Variants in TGFBR2 observed in about 807,000 individuals in gnomAD.
The protein encoded by TGFBR2 is TGF-beta receptor type-2.
Under a neutral mutation model 49.0 loss-of-function variants are expected in TGFBR2, and 18 were observed. The ratio of observed to expected loss-of-function variants is 0.37; its 90% CI spans 0.25 to 0.54. The LOEUF is 0.54. Ranked by LOEUF, TGFBR2 falls within the 20% of genes least tolerant of loss-of-function variation. The probability of loss-of-function intolerance (pLI) is 0.85; values close to 1 mark genes in which losing one functional copy is unlikely to be tolerated. For synonymous variants in TGFBR2, 282 were observed against 275.9 expected (o/e 1.02, Z -0.22); for missense variants, 525 against 722.6 (o/e 0.73, Z 3.13).
intron 3 of TGFBR2, among the ~76,000 whole-genome samples, chr3:30,660,856 T>C (rs1699109428): frequency 6.6e-6 from 1 of 152,198 alleles, no homozygotes; most frequent in African/African-American, 2.4e-5. Flanking sequence ...TGGGTGCTAC[T>C]GCCTTGGCAG....
Position 30,644,736 on chromosome 3 carries a change from T to C in TGFBR2, c.95-11T>C. The stretch of plus-strand genomic sequence containing the variant: ...TGGATAATCATTTAATATATCTTTC[T>C]CTCTCCTCAGTTAATAACGACATGA... On this transcript the variant is annotated splice_polypyrimidine_tract_variant and intron_variant, in intron 1 of 6. Transcript: ENST00000295754. 1.2e-6 allele frequency: 2 copies of C among 1,613,666 alleles called. No individual in the cohort carries two copies. Among genetic ancestry groups the C allele is most frequent in the Non-Finnish European group, 1.7e-6 (2 of 1,179,662 alleles).
At chr3:30,628,436 T>C in intron 1 of TGFBR2, among the ~76,000 whole-genome samples, 1 of 149,516 alleles carries the variant, frequency 6.7e-6, no homozygotes, top group Non-Finnish European at 1.5e-5. Flanking sequence ...TGGTCACCTC[T>C]GTGCTGTATT....
intron 3 of TGFBR2, among the ~76,000 whole-genome samples, chr3:30,657,315 T>C (rs1699022335): frequency 6.6e-6 from 1 of 152,192 alleles, no homozygotes; most frequent in Admixed American, 6.5e-5. Flanking sequence ...TCACTGAGCA[T>C]GTCCTTGGCA....
chr3:30,642,320 G>T (rs557720377), intron 1 of TGFBR2, among the ~76,000 whole-genome samples: 1 of 151,898 alleles, frequency 6.6e-6, no homozygotes, highest in Non-Finnish European at 1.5e-5. Context: ...GGAGTGGGGG[G>T]GTTGCTGTTT....
In TGFBR2 at chr3:30,652,440, G is replaced by A. The variant is rs182841750; in HGVS notation, c.454+1980G>A. ...AGTAGAGACGAGTTTCACCATGTTC[G>A]TCAGTCTGGTCTCGAACTCCTGACC... On this transcript the variant is annotated intron_variant, in intron 3 of 6. Transcript: ENST00000295754. 2.5e-4 allele frequency among the ~76,000 whole-genome samples: 38 copies of A among 152,004 alleles called. No homozygotes were observed. The East Asian group carries it at 6.6e-3, about 26-fold the overall frequency.
chr3:30,609,297 GTAAA>G (rs1258461311), intron 1 of TGFBR2, among the ~76,000 whole-genome samples: 1 of 152,164 alleles, frequency 6.6e-6, no homozygotes. Context: ...TTTCATGTAA[GTAAA>G]TAGTTTCAGA....
chr3:30,623,396 T>C (rs1698272324), intron 1 of TGFBR2: 5 of 1,300,706 alleles, frequency 3.8e-6, no homozygotes, highest in Non-Finnish European at 5.5e-6. Context: ...CATATTTTCA[T>C]AGCTAAATTG....
intron 3 of TGFBR2, among the ~76,000 whole-genome samples, chr3:30,656,993 C>G (rs758572540): frequency 6.6e-6 from 1 of 152,174 alleles, no homozygotes; most frequent in Non-Finnish European, 1.5e-5. Flanking sequence ...TTCATAGACT[C>G]ATTACATTTT....
intron 5 of TGFBR2, among the ~76,000 whole-genome samples, chr3:30,684,560 T>C (rs1699593441): frequency 6.6e-6 from 1 of 152,186 alleles, no homozygotes; most frequent in Non-Finnish European, 1.5e-5. Flanking sequence ...TTGTCTATTT[T>C]AAGCTTAGGA....
rs374757933 is a variant in TGFBR2, at chr3:30,644,966, T to C, written c.263+51T>C. On this transcript the variant is annotated intron_variant, in intron 2 of 6. Coordinates refer to ENST00000295754, the MANE Select transcript of TGFBR2 (RefSeq NM_003242.6). Reference sequence around the variant, plus strand: ...TCTTTCTTTTCCCCTTTTTACATAATGTATTCTCATAGTACACACAGTCAG... The same window carrying C: ...TCTTTCTTTTCCCCTTTTTACATAACGTATTCTCATAGTACACACAGTCAG... 3.2e-5 allele frequency: 48 copies of C among 1,519,444 alleles called. No individual in the cohort carries two copies. In the African/African-American group the frequency reaches 5.6e-4, roughly 18 times the overall value. 94.1% of individuals were successfully genotyped at this position (1,519,444 alleles called of 1,614,324 possible). A position where few individuals can be genotyped will look rare whatever the true frequency, so the allele number is the denominator to read the frequency against.
intron 1 of TGFBR2, among the ~76,000 whole-genome samples, chr3:30,634,485 A>G (rs950651106): frequency 1.3e-5 from 2 of 152,208 alleles, no homozygotes; most frequent in African/African-American, 4.8e-5. Context: ...ACCATGTCTT[A>G]TCCTGTCCCC....
At chr3:30,607,816 T>C (rs1213538082) in intron 1 of TGFBR2, among the ~76,000 whole-genome samples, 1 of 137,322 alleles carries the variant, frequency 7.3e-6, no homozygotes, top group Non-Finnish European at 1.5e-5. Context: ...ATATATATTA[T>C]ATATATATAA....
chr3:30,642,322 T>C (rs973232973), intron 1 of TGFBR2, among the ~76,000 whole-genome samples: 4 of 150,936 alleles, frequency 2.7e-5, no homozygotes, highest in African/African-American at 9.8e-5. Flanking sequence ...AGTGGGGGGG[T>C]TGCTGTTTTG....
intron 1 of TGFBR2, among the ~76,000 whole-genome samples, chr3:30,615,646 G>A (rs1002785158): frequency 6.2e-4 from 94 of 152,074 alleles, no homozygotes; most frequent in Non-Finnish European, 2.2e-4. Context: ...TATTTCAGAG[G>A]TATGGCAATC....
chr3:30,634,507 G>GTAAA (rs1179564086), intron 1 of TGFBR2, among the ~76,000 whole-genome samples: 1 of 152,098 alleles, frequency 6.6e-6, no homozygotes, highest in Non-Finnish European at 1.5e-5. Context: ...TTCCCTCAAG[G>GTAAA]GTTTAAATAT....
chr3:30,650,934 A>G (rs1378180727), intron 3 of TGFBR2, among the ~76,000 whole-genome samples: 1 of 152,132 alleles, frequency 6.6e-6, no homozygotes, highest in East Asian at 1.9e-4. Context: ...TTTCTTTATA[A>G]CTGATGTTGT....
chr3:30,608,898 T>A (rs1697984707), intron 1 of TGFBR2, among the ~76,000 whole-genome samples: 1 of 152,252 alleles, frequency 6.6e-6, no homozygotes, highest in Admixed American at 6.5e-5. Context: ...TTTCTGTGGA[T>A]GTTAAAAATC....
chr3:30,660,832 T>C (rs1052376241), intron 3 of TGFBR2, among the ~76,000 whole-genome samples: 3 of 152,312 alleles, frequency 2.0e-5, no homozygotes, highest in East Asian at 1.9e-4. Context: ...TCCAAAAGGT[T>C]GGATGGCAAG....
At chr3:30,683,731 A>G (rs564799085) in intron 5 of TGFBR2, among the ~76,000 whole-genome samples, 2 of 152,358 alleles carry the variant, frequency 1.3e-5, no homozygotes, top group South Asian at 2.1e-4. Flanking sequence ...AGATTTTGCC[A>G]AAGTGGATTA....
Sources: allele counts gnomAD v4.1 joint callset (sites outside exome capture counted in the v4.1 genomes callset), GRCh38; gene constraint gnomAD v4.1.1; transcripts MANE v1.5; gene names NCBI Gene and HGNC (gene_info 2026-07-23, HGNC 2026-07-21).